Variants in RGS12 observed in about 807,000 individuals in gnomAD.
RGS12 encodes regulator of G protein signaling 12, also known as regulator of G-protein signaling 12.
In RGS12, 66 loss-of-function variants were observed where a neutral mutation model predicts 120.1. That is an observed-to-expected ratio of 0.55 (90% CI 0.45 to 0.67). RGS12 has a LOEUF of 0.67. RGS12 is among the 30% of genes least tolerant of loss of function. The pLI is 0.00. For synonymous variants in RGS12, 827 were observed against 804.7 expected (o/e 1.03, Z -0.47); for missense variants, 1,859 against 1,957.7 (o/e 0.95, Z 0.95).
At chr4:3,415,011 G>A (rs1157877201) in intron 6 of RGS12, among the ~76,000 whole-genome samples, 167 bp downstream of exon 6, 3 of 146,280 alleles carry the variant, frequency 2.1e-5, no homozygotes, top group Non-Finnish European at 4.5e-5. Flanking sequence ...TGTGAGGGGC[G>A]TGTGTGAGAG....
intron 1 of RGS12, among the ~76,000 whole-genome samples, chr4:3,301,735 T>A (rs979222187): frequency 9.2e-5 from 14 of 151,526 alleles, no homozygotes; most frequent in African/African-American, 3.4e-4. Context: ...CTGTGGGTTT[T>A]GTCCAAGGAA....
At position 3,326,011 on chromosome 4, in the gene RGS12, G is replaced by A. The variant is rs144499874; in HGVS notation, c.1881+7960G>A. On this transcript the variant is annotated intron_variant, in intron 2 of 17. Transcript: ENST00000336727. The stretch of plus-strand genomic sequence containing the variant: ...ACCCTCAACAAACAAAATATAGAAG[G>A]AATATAGCTCAAAATAGTAAAGGCC... 3.1e-3 allele frequency among the ~76,000 whole-genome samples: 464 copies of A among 152,084 alleles called. 7 individuals carry two copies. The highest frequency in any genetic ancestry group is 0.027 in the Admixed American group (416 of 15,286).
intron 2 of RGS12, among the ~76,000 whole-genome samples, chr4:3,326,459 G>T (rs1725561226): frequency 6.6e-6 from 1 of 152,078 alleles, no homozygotes; most frequent in Admixed American, 6.6e-5. Flanking sequence ...TGTAGCCCAG[G>T]CTGGTCTCAA....
chr4:3,398,048 T>C (rs1224009206), intron 4 of RGS12, among the ~76,000 whole-genome samples: 1 of 152,222 alleles, frequency 6.6e-6, no homozygotes, highest in East Asian at 1.9e-4. Flanking sequence ...TACAGACTTC[T>C]TACAGGAAGT....
rs373897318 is a variant in RGS12, at chr4:3,317,859, C to G, written c.1689C>G (p.Gly563=). The change falls in exon 2 of 18, where the codon GGC becomes GGG. Residue 563 remains glycine, a synonymous_variant. Transcript: ENST00000336727. ...DQDSYTDSTD[G]WSSINCGTLP... ...ACTCTTACACAGATTCCACCGATGG[C>G]TGGTCCAGCATCAACTGCGGCACAC... is the stretch of plus-strand genomic sequence containing the variant. The G allele has an allele frequency of 5.0e-6, 8 of 1,613,694 alleles. No homozygotes were observed. Among genetic ancestry groups the G allele is most frequent in the Non-Finnish European group, 6.8e-6 (8 of 1,179,934 alleles).
At chr4:3,404,347 A>G (rs1423437237) in intron 4 of RGS12, among the ~76,000 whole-genome samples, 1 of 152,240 alleles carries the variant, frequency 6.6e-6, no homozygotes, top group Non-Finnish European at 1.5e-5. Flanking sequence ...TAGTGACTGC[A>G]TGGTAGGTAT....
rs1722155460 is a variant in RGS12, at chr4:3,414,785, A to G, written c.2224A>G (p.Ile742Val). 3.1e-6 allele frequency: 5 copies of G among 1,613,358 alleles called. No individual in the cohort carries two copies. The highest frequency in any genetic ancestry group is 3.4e-6 in the Non-Finnish European group (4 of 1,179,426). ...AAGGAAAGAATTCAGTGAAGAAAAC[A>G]TTTTATTCTGGCAGGCCTGTGAATA... ...FLRKEFSEEN[I>V]LFWQACEYFN... Residue 742 changes from isoleucine (I) to valine (V), a missense_variant, in exon 6 of 18, where the codon ATT becomes GTT. By Grantham distance (29) the Ile-to-Val change is conservative. Transcript: ENST00000336727.
At chr4:3,303,603 GA>G (rs1434891773) in intron 1 of RGS12, among the ~76,000 whole-genome samples, 3 of 152,194 alleles carry the variant, frequency 2.0e-5, no homozygotes, top group Non-Finnish European at 4.4e-5. Context: ...GTAGTGGGGG[GA>G]ACAAGAGGAA....
intron 6 of RGS12, among the ~76,000 whole-genome samples, chr4:3,415,637 G>T (rs114011678): frequency 1.3e-3 from 195 of 152,300 alleles, no homozygotes; most frequent in African/African-American, 4.4e-3. Flanking sequence ...GGCTGCTTTC[G>T]TCTGCTCGCA....
intron 4 of RGS12, among the ~76,000 whole-genome samples, chr4:3,386,921 T>G (rs1362294619): frequency 6.6e-6 from 1 of 152,248 alleles, no homozygotes; most frequent in Non-Finnish European, 1.5e-5. Context: ...ACTTTCTGTG[T>G]TTAAAGAATT....
rs981783819 is a variant in RGS12, at chr4:3,316,329, G to A, written c.159G>A (p.Ala53=). 3.7e-6 allele frequency: 6 copies of A among 1,614,180 alleles called. No homozygotes were observed. Among genetic ancestry groups the A allele is most frequent in the East Asian group, 2.2e-5 (1 of 44,884 alleles). ...GCTGCGTCATGAGAGGGAGCCCTGC[G>A]GATTTCGTGGGCCTCCGAGCTGGAG... is the stretch of plus-strand genomic sequence containing the variant. ...VLSCVMRGSP[A]DFVGLRAGDQ... Residue 53 remains alanine (A), a synonymous_variant, in exon 2 of 18, where the codon GCG becomes GCA. Transcript: ENST00000336727.
At chr4:3,381,886 C>G (rs1260964817) in intron 3 of RGS12, among the ~76,000 whole-genome samples, 2 of 152,188 alleles carry the variant, frequency 1.3e-5, no homozygotes, top group African/African-American at 4.8e-5. Flanking sequence ...TACCATGAAT[C>G]TTACTGCTTT....
At chr4:3,343,268 G>A in intron 3 of RGS12, 2 of 496,210 alleles carry the variant, frequency 4.0e-6, no homozygotes, top group Non-Finnish European at 7.3e-6. Flanking sequence ...GCTTTCTGGG[G>A]TGCTCTTCTG....
intron 1 of RGS12, among the ~76,000 whole-genome samples, chr4:3,293,986 T>C (rs1218750511): frequency 6.6e-6 from 1 of 151,870 alleles, no homozygotes; most frequent in Non-Finnish European, 1.5e-5. Context: ...CAGTGGAGGG[T>C]GAACACAGAG....
chr4:3,377,815 T>G (rs1050488242), intron 3 of RGS12, among the ~76,000 whole-genome samples: 9 of 152,252 alleles, frequency 5.9e-5, no homozygotes, highest in Non-Finnish European at 1.5e-5. Flanking sequence ...GCAGAGGTTG[T>G]GTGGACTTAA....
At position 3,433,676 on chromosome 4, in the gene RGS12, G is replaced by A. The variant is rs867185481; in HGVS notation, c.4114+2721G>A. On this transcript the variant is annotated intron_variant, in intron 17 of 17. Coordinates refer to ENST00000336727, the MANE Select transcript of RGS12 (RefSeq NM_001394154.1). This position sits in a 1 kb window ranked among gnomAD's most constrained non-coding sequence, Gnocchi z 4.4. Reference sequence around the variant, plus strand: ...CACCCTGTTCCAGCCCCTGCGCCACGTGGTGCTCCACCACGCCCTTCTAGC... The same window carrying A: ...CACCCTGTTCCAGCCCCTGCGCCACATGGTGCTCCACCACGCCCTTCTAGC... Among the ~76,000 whole-genome samples, 2 of 151,402 alleles carry A rather than the reference G, an allele frequency of 1.3e-5. No homozygotes were observed. Among genetic ancestry groups the A allele is most frequent in the African/African-American group, 4.9e-5 (2 of 41,132 alleles).
At position 3,299,153 on chromosome 4, in the gene RGS12, G is replaced by C. The variant is rs142885758; in HGVS notation, c.-102+6054G>C. Among the ~76,000 whole-genome samples the C allele has an allele frequency of 4.2e-3, 645 of 152,042 alleles. 4 individuals carry two copies. Among genetic ancestry groups the C allele is most frequent in the Middle Eastern group, 0.01 (3 of 294 alleles). On this transcript the variant is annotated intron_variant, in intron 1 of 17. Transcript: ENST00000336727. ...AAAATCTCTGCTGCAGTCTCTGCTT[G>C]GTGCTGTTGACCTTCCGGCTGCCTC... is the stretch of plus-strand genomic sequence containing the variant.
chr4:3,317,241 G>C lies in RGS12; in HGVS notation c.1071G>C (p.Arg357=), dbSNP rs199677510. 1.2e-6 allele frequency: 2 copies of C among 1,614,184 alleles called. No homozygotes were observed. Among genetic ancestry groups the C allele is most frequent in the Non-Finnish European group, 1.7e-6 (2 of 1,180,044 alleles). ...FNHKIHQGIA[R]RFGFECTADP... ...ACAAGATCCACCAAGGCATTGCTCGGCGGTTTGGGTTTGAGTGCACGGCCG... is the reference window on the plus strand; with the variant it reads ...ACAAGATCCACCAAGGCATTGCTCGCCGGTTTGGGTTTGAGTGCACGGCCG... The change falls in exon 2 of 18, where the codon CGG becomes CGC. Residue 357 remains arginine, a synonymous_variant. Transcript: ENST00000336727.
chr4:3,388,874 C>T (rs1466872554), intron 4 of RGS12, among the ~76,000 whole-genome samples: 1 of 152,216 alleles, frequency 6.6e-6, no homozygotes, highest in Non-Finnish European at 1.5e-5. Flanking sequence ...AACTCCAGCA[C>T]CCCAGTGTTT....
Sources: gnomAD v4.1 joint callset for allele counts (sites outside exome capture counted in the v4.1 genomes callset) on GRCh38, gnomAD v4.1.1 for gene constraint, Gnocchi (gnomAD v3.1) non-coding constraint, MANE v1.5 for transcripts, NCBI Gene and HGNC (gene_info 2026-07-23, HGNC 2026-07-21) for gene names.